Variants in TMEM150A observed in about 807,000 individuals in gnomAD.
The protein encoded by TMEM150A is fasting-inducible integral membrane protein TM6P1.
A neutral mutation model predicts 29.8 loss-of-function variants in TMEM150A; 18 were observed. That is an observed-to-expected ratio of 0.60 (90% confidence interval 0.42 to 0.90). The LOEUF (loss-of-function observed/expected upper bound fraction) is 0.90, where lower values mean the gene tolerates loss of function less well. Among genes scored for constraint, TMEM150A ranks in the 40% least tolerant of loss-of-function variants. The pLI is 0.00. For missense variants in TMEM150A, 251 were observed against 349.7 expected (o/e 0.72, Z 2.25); for synonymous variants, 127 against 143.6 (o/e 0.88, Z 0.83).
chr2:85,602,092 G>T lies in TMEM150A; in HGVS notation c.-116-28C>A. ...GGTGGAGAGAGATCAAAGTCCAGGA[G>T]TGGGTAACTGGCCGGGAAGGGGGAG... On this transcript the variant is annotated intron_variant, in intron 1 of 7. Coordinates refer to ENST00000334462, the MANE Select transcript of TMEM150A (RefSeq NM_001031738.3). The surrounding 1 kb of genome is among the most constrained non-coding windows in gnomAD (Gnocchi z 5.6). The T allele has an allele frequency of 2.8e-6, 2 of 718,880 alleles. No individual in the cohort carries two copies. Among genetic ancestry groups the T allele is most frequent in the Non-Finnish European group, 5.0e-6 (2 of 403,074 alleles). 44.5% of individuals were successfully genotyped at this position (718,880 alleles called of 1,614,324 possible). A position where few individuals can be genotyped will look rare whatever the true frequency, so the allele number is the denominator to read the frequency against.
Position 85,598,832 on chromosome 2 carries a change from G to C in TMEM150A, c.*244C>G. On this transcript the variant is annotated 3_prime_UTR_variant, in exon 8 of 8. Coordinates refer to ENST00000334462, the MANE Select transcript of TMEM150A (RefSeq NM_001031738.3). ...CCTGAAGGGCTGGCTGGGTGAGTGA[G>C]GACAGGTGACCTTTAAAAACAAAAC... 1.9e-6 allele frequency: 1 copy of C among 526,686 alleles called. No individual in the cohort carries two copies. The highest frequency in any genetic ancestry group is 3.4e-6 in the Non-Finnish European group (1 of 297,392). 32.6% of individuals were successfully genotyped at this position (526,686 alleles called of 1,614,324 possible). A position where few individuals can be genotyped will look rare whatever the true frequency, so the allele number is the denominator to read the frequency against.
chr2:85,600,110 C>T, intron 5 of TMEM150A, 92 bp from the exon 6 acceptor site: 3 of 1,542,762 alleles, frequency 1.9e-6, no homozygotes, highest in Admixed American at 1.9e-5. Context: ...GGTGCTCCTG[C>T]CCCTTCTGAG....
Position 85,599,115 on chromosome 2 carries a change from G to T in TMEM150A, c.777C>A (p.Thr259=). The change falls in exon 8 of 8, where the codon ACC becomes ACA. Residue 259 remains threonine, a synonymous_variant. Coordinates refer to ENST00000334462, the MANE Select transcript of TMEM150A (RefSeq NM_001031738.3). This position sits in a 1 kb window ranked among gnomAD's most constrained non-coding sequence, Gnocchi z 6.0. ...CKSSGSSSTS[T]HLNCAPESIA... Reference sequence around the variant, plus strand: ...TGCTCTCGGGGGCACAGTTGAGGTGGGTGGAGGTGCTGCTGCTCCCGGAGG... The same window carrying T: ...TGCTCTCGGGGGCACAGTTGAGGTGTGTGGAGGTGCTGCTGCTCCCGGAGG... 1.2e-6 allele frequency: 2 copies of T among 1,613,820 alleles called. No homozygotes were observed. Among genetic ancestry groups the T allele is most frequent in the Non-Finnish European group, 1.7e-6 (2 of 1,180,032 alleles).
chr2:85,600,577 T>C (rs1672877556), intron 4 of TMEM150A, 165 bp from the exon 5 acceptor site: 1 of 631,154 alleles, frequency 1.6e-6, no homozygotes, highest in African/African-American at 1.8e-5. Context: ...GGTTCCAGGC[T>C]GGGCCCCCAA....
Position 85,601,213 on chromosome 2 carries a change from G to T in TMEM150A, c.114-106C>A. ...ACTCTCTCCCAGACCTCCCCTACAGGGACAGAAGATCCCACTCCCCAGTGC... is the reference window on the plus strand; with the variant it reads ...ACTCTCTCCCAGACCTCCCCTACAGTGACAGAAGATCCCACTCCCCAGTGC... On this transcript the variant is annotated intron_variant, in intron 3 of 7. Transcript: ENST00000334462. The surrounding 1 kb of genome is among the most constrained non-coding windows in gnomAD (Gnocchi z 4.0). 7.7e-7 allele frequency: 1 copy of T among 1,295,794 alleles called. No individual in the cohort carries two copies. Among genetic ancestry groups the T allele is most frequent in the Non-Finnish European group, 1.1e-6 (1 of 907,662 alleles). The allele number at this position is 1,295,794 out of a possible 1,614,324, so 80.3% of individuals were successfully genotyped here. A position where few individuals can be genotyped will look rare whatever the true frequency, so the allele number is the denominator to read the frequency against.
At position 85,599,773 on chromosome 2, in the gene TMEM150A, T is replaced by C; in HGVS notation, c.397-71A>G. 7.1e-7 allele frequency: 1 copy of C among 1,413,376 alleles called. No individual in the cohort carries two copies. The highest frequency in any genetic ancestry group is 1.6e-5 in the African/African-American group (1 of 61,858). The allele number at this position is 1,413,376 out of a possible 1,614,324, so 87.6% of individuals were successfully genotyped here. ...CTCTCCACCCCTCCTTCAATGAATCTCCTCTCTCCCTCTTCCTTCCTCTCC... is the reference window on the plus strand; with the variant it reads ...CTCTCCACCCCTCCTTCAATGAATCCCCTCTCTCCCTCTTCCTTCCTCTCC... On this transcript the variant is annotated intron_variant, in intron 6 of 7. Transcript: ENST00000334462. The surrounding 1 kb of genome is among the most constrained non-coding windows in gnomAD (Gnocchi z 6.0).
At position 85,599,875 on chromosome 2, in the gene TMEM150A, G is replaced by C; in HGVS notation, c.396+16C>G. ...TTAGGTAAAGTTTAAGGTTTGCAGG[G>C]GAGAAGGGGAAGCACCTGAAAGTTG... On this transcript the variant is annotated intron_variant, in intron 6 of 7. Transcript: ENST00000334462. This position sits in a 1 kb window ranked among gnomAD's most constrained non-coding sequence, Gnocchi z 6.0. 6.2e-7 allele frequency: 1 copy of C among 1,613,200 alleles called. No individual in the cohort carries two copies. Among genetic ancestry groups the C allele is most frequent in the South Asian group, 1.1e-5 (1 of 91,006 alleles).
In TMEM150A at chr2:85,600,037, G is replaced by A; in HGVS notation, c.269-19C>T. On this transcript the variant is annotated intron_variant, in intron 5 of 7. Coordinates refer to ENST00000334462, the MANE Select transcript of TMEM150A (RefSeq NM_001031738.3). ...AGGGCCACTGGGGGAGGAGAGCACA[G>A]TTGAGGCCTTCCTCCAGCCCTGGCC... 2 of 1,610,602 alleles carry A rather than the reference G, an allele frequency of 1.2e-6. No homozygotes were observed. The highest frequency in any genetic ancestry group is 1.1e-5 in the South Asian group (1 of 90,926).
chr2:85,599,229 G>A lies in TMEM150A; in HGVS notation c.663C>T (p.Phe221=), dbSNP rs1237297660. The A allele has an allele frequency of 6.2e-7, 1 of 1,613,904 alleles. No homozygotes were observed. The highest frequency in any genetic ancestry group is 1.7e-5 in the Admixed American group (1 of 59,996). The change falls in exon 8 of 8, where the codon TTC becomes TTT. Residue 221 remains phenylalanine (F), a synonymous_variant. Transcript: ENST00000334462. The surrounding 1 kb of genome is among the most constrained non-coding windows in gnomAD (Gnocchi z 6.0). ...CAAACTCGTAGCTGAAGGTGCCATAGAAAATGAGGATATCGATGACACACA... is the reference window on the plus strand; with the variant it reads ...CAAACTCGTAGCTGAAGGTGCCATAAAAAATGAGGATATCGATGACACACA... ...EWVCVIDILI[F]YGTFSYEFGA...
In TMEM150A at chr2:85,599,449, C is replaced by T; in HGVS notation, c.574+76G>A. ...CCCCCACATGGCAGTGTTAGGCCTC[C>T]ACCCCCCATCCTCTTGGGAGGGAGA... On this transcript the variant is annotated intron_variant, in intron 7 of 7. Coordinates refer to ENST00000334462, the MANE Select transcript of TMEM150A (RefSeq NM_001031738.3). The surrounding 1 kb of genome is among the most constrained non-coding windows in gnomAD (Gnocchi z 6.0). 2 of 1,566,312 alleles carry T rather than the reference C, an allele frequency of 1.3e-6. No individual in the cohort carries two copies. The highest frequency in any genetic ancestry group is 1.2e-5 in the South Asian group (1 of 82,704).
Position 85,599,303 on chromosome 2 carries a change from C to T in TMEM150A, c.589G>A (p.Val197Ile), listed in dbSNP as rs550018203. The T allele has an allele frequency of 1.4e-5, 23 of 1,614,040 alleles. No homozygotes were observed. The South Asian group carries it at 2.4e-4, about 17-fold the overall frequency. The part of the protein sequence containing the change: ...ITLVLSGVFF[V>I]HESSQLQHGA... ...TGTTGCAGCTGAGAACTCTCATGGA[C>T]AAAGAAGACTCCACCTAAAACGAGG... Residue 197 changes from valine to isoleucine, a missense_variant, in exon 8 of 8, where the codon GTC becomes ATC. By Grantham distance (29) the Val-to-Ile change is conservative. Transcript: ENST00000334462. This position sits in a 1 kb window ranked among gnomAD's most constrained non-coding sequence, Gnocchi z 6.0.
rs367833553 is a variant in TMEM150A at position 85,600,011 on chromosome 2, C to G, written c.276G>C (p.Leu92=). The change falls in exon 6 of 8, where the codon CTG becomes CTC. Residue 92 remains leucine, a synonymous_variant. Transcript: ENST00000334462. ...IGNMGAFMVA[L]ICLLRYGQLL... ...GCTGCCCGTAGCGCAGGAGGCAGAT[C>G]AGGGCCACTGGGGGAGGAGAGCACA... 1.9e-5 allele frequency: 31 copies of G among 1,612,438 alleles called. No homozygotes were observed. The South Asian group carries it at 3.3e-4, about 17-fold the overall frequency.
At position 85,598,799 on chromosome 2, in the gene TMEM150A, A is replaced by G; in HGVS notation, c.*277T>C. 2.4e-6 allele frequency: 1 copy of G among 418,710 alleles called. No homozygotes were observed. Among genetic ancestry groups the G allele is most frequent in the Non-Finnish European group, 4.5e-6 (1 of 223,838 alleles). 25.9% of individuals were successfully genotyped at this position (418,710 alleles called of 1,614,324 possible). On this transcript the variant is annotated 3_prime_UTR_variant, in exon 8 of 8. Transcript: ENST00000334462. ...GTGGTCTGGCTTTGGCACTGGGAGT[A>G]GAAGGCACCTGAAGGGCTGGCTGGG... is the stretch of plus-strand genomic sequence containing the variant.
At position 85,599,354 on chromosome 2, in the gene TMEM150A, C is replaced by G. The variant is rs752562464; in HGVS notation, c.575-37G>C. 1 of 1,609,218 alleles carries G rather than the reference C, an allele frequency of 6.2e-7. No individual in the cohort carries two copies. Among genetic ancestry groups the G allele is most frequent in the South Asian group, 1.1e-5 (1 of 90,892 alleles). On this transcript the variant is annotated intron_variant, in intron 7 of 7. Coordinates refer to ENST00000334462, the MANE Select transcript of TMEM150A (RefSeq NM_001031738.3). This position sits in a 1 kb window ranked among gnomAD's most constrained non-coding sequence, Gnocchi z 6.0. Reference sequence around the variant, plus strand: ...CTAAGGAAATGTTCAGTAGGACATACGGAAACCTGGCAACACCCCTTCTGC... The same window carrying G: ...CTAAGGAAATGTTCAGTAGGACATAGGGAAACCTGGCAACACCCCTTCTGC...
At position 85,602,133 on chromosome 2, in the gene TMEM150A, A is replaced by G; in HGVS notation, c.-116-69T>C. ...GAAGGGGGAGGGGAAGGGGGTCAACACCTTATCCAGCGCTCCCGTTGGGTC... is the reference window on the plus strand; with the variant it reads ...GAAGGGGGAGGGGAAGGGGGTCAACGCCTTATCCAGCGCTCCCGTTGGGTC... On this transcript the variant is annotated intron_variant, in intron 1 of 7. Coordinates refer to ENST00000334462, the MANE Select transcript of TMEM150A (RefSeq NM_001031738.3). The surrounding 1 kb of genome is among the most constrained non-coding windows in gnomAD (Gnocchi z 5.6). 1.7e-6 allele frequency: 1 copy of G among 578,032 alleles called. No homozygotes were observed. The highest frequency in any genetic ancestry group is 3.2e-6 in the Non-Finnish European group (1 of 316,648). The allele number at this position is 578,032 out of a possible 1,614,324, so 35.8% of individuals were successfully genotyped here.
chr2:85,598,970 G>A lies in TMEM150A; in HGVS notation c.*106C>T. On this transcript the variant is annotated 3_prime_UTR_variant, in exon 8 of 8. Coordinates refer to ENST00000334462, the MANE Select transcript of TMEM150A (RefSeq NM_001031738.3). ...ACTTCTCCAGAAGTGAGGAAGCCCAGATCCCAACAGAATACTTTCTCAAAA... is the reference window on the plus strand; with the variant it reads ...ACTTCTCCAGAAGTGAGGAAGCCCAAATCCCAACAGAATACTTTCTCAAAA... 1 of 1,478,870 alleles carries A rather than the reference G, an allele frequency of 6.8e-7. No homozygotes were observed. Among genetic ancestry groups the A allele is most frequent in the South Asian group, 1.3e-5 (1 of 75,056 alleles). The allele number at this position is 1,478,870 out of a possible 1,614,324, so 91.6% of individuals were successfully genotyped here. A position where few individuals can be genotyped will look rare whatever the true frequency, so the allele number is the denominator to read the frequency against.
rs1000730365 is a variant in TMEM150A, at chr2:85,599,764, C to T, written c.397-62G>A. On this transcript the variant is annotated intron_variant, in intron 6 of 7. Coordinates refer to ENST00000334462, the MANE Select transcript of TMEM150A (RefSeq NM_001031738.3). This position sits in a 1 kb window ranked among gnomAD's most constrained non-coding sequence, Gnocchi z 6.0. ...TGGCCCCACCTCTCCACCCCTCCTT[C>T]AATGAATCTCCTCTCTCCCTCTTCC... 179 of 1,591,442 alleles carry T rather than the reference C, an allele frequency of 1.1e-4. No individual in the cohort carries two copies. Among genetic ancestry groups the T allele is most frequent in the Admixed American group, 1.7e-4 (10 of 58,052 alleles).
chr2:85,601,308 G>A lies in TMEM150A; in HGVS notation c.113+127C>T, dbSNP rs762982707. On this transcript the variant is annotated intron_variant, in intron 3 of 7. Coordinates refer to ENST00000334462, the MANE Select transcript of TMEM150A (RefSeq NM_001031738.3). The surrounding 1 kb of genome is among the most constrained non-coding windows in gnomAD (Gnocchi z 4.0). Reference sequence around the variant, plus strand: ...GGGTAGGTGGCAAGAAGCCATGCCTGGGGACCAATTTCAGAGAAGAGCAGT... The same window carrying A: ...GGGTAGGTGGCAAGAAGCCATGCCTAGGGACCAATTTCAGAGAAGAGCAGT... 5.2e-6 allele frequency: 7 copies of A among 1,334,764 alleles called. No individual in the cohort carries two copies. Among genetic ancestry groups the A allele is most frequent in the Non-Finnish European group, 7.6e-6 (7 of 926,490 alleles). 82.7% of individuals were successfully genotyped at this position (1,334,764 alleles called of 1,614,324 possible). A position where few individuals can be genotyped will look rare whatever the true frequency, so the allele number is the denominator to read the frequency against.
At chr2:85,600,901 T>G in intron 4 of TMEM150A, 120 bp downstream of exon 4, 3 of 839,810 alleles carry the variant, frequency 3.6e-6, no homozygotes, top group Non-Finnish European at 3.7e-6. Context: ...TCAAGTAGTG[T>G]TGTTATTAAG....
Sources: allele counts gnomAD v4.1 joint callset, GRCh38; gene constraint gnomAD v4.1.1; non-coding constraint Gnocchi (gnomAD v3.1); transcripts MANE v1.5; gene names NCBI Gene and HGNC (gene_info 2026-07-23, HGNC 2026-07-21).